PGPEP1L: variants seen among roughly 807,000 people sequenced by gnomAD.
PGPEP1L encodes the protein pyroglutamyl-peptidase 1-like protein.
Under a neutral mutation model 6.0 loss-of-function variants are expected in PGPEP1L, and 7 were observed. The observed-to-expected ratio is 1.17, with a 90% CI of 0.66 to 2.19. PGPEP1L has a LOEUF of 2.19. Ranked by LOEUF, PGPEP1L falls within the 30% of genes most tolerant of loss-of-function variation. The pLI, the probability that PGPEP1L is intolerant of heterozygous loss-of-function variation, is 0.00. For missense variants in PGPEP1L, 209 were observed against 192.5 expected (o/e 1.09, Z -0.51); for synonymous variants, 103 against 83.9 (o/e 1.23, Z -1.24).
chr15:98,999,129 G>T (rs568380002), intron 2 of PGPEP1L, among the ~76,000 whole-genome samples: 89 of 152,314 alleles, frequency 5.8e-4, no homozygotes, highest in African/African-American at 2.1e-3. Flanking sequence ...CTCTTGCTCT[G>T]TGAAAGTCCC....
chr15:98,981,218 C>G (rs1490965067), intron 2 of PGPEP1L, among the ~76,000 whole-genome samples: 2 of 151,888 alleles, frequency 1.3e-5, no homozygotes, highest in African/African-American at 2.4e-5. Flanking sequence ...TCTGGCCGGG[C>G]GCGGTGGCTC....
chr15:99,005,801 T>C (rs1555473551), intron 1 of PGPEP1L, 145 bp from the exon 2 acceptor site: 1 of 152,348 alleles, frequency 6.6e-6, no homozygotes, highest in Non-Finnish European at 1.5e-5. Flanking sequence ...AGCTAAGGGT[T>C]TGGCTACCAG....
chr15:99,006,560 G>A (rs562077696), intron 1 of PGPEP1L, among the ~76,000 whole-genome samples: 14 of 152,248 alleles, frequency 9.2e-5, no homozygotes, highest in African/African-American at 2.7e-4. Context: ...CAGGTGCACT[G>A]GCTCACGCCT....
chr15:99,006,229 TC>T (rs1488359667), intron 1 of PGPEP1L, among the ~76,000 whole-genome samples: 1 of 152,186 alleles, frequency 6.6e-6, no homozygotes, highest in Non-Finnish European at 1.5e-5. Context: ...CCAGGCACTG[TC>T]CCCAGCTTCA....
rs552194961 is a variant in PGPEP1L at position 98,978,825 on chromosome 15, G to C, written c.-141-7667C>G. Among the ~76,000 whole-genome samples, 4 of 149,562 alleles carry C rather than the reference G, an allele frequency of 2.7e-5. No individual in the cohort carries two copies. The East Asian group carries it at 7.9e-4, about 29-fold the overall frequency. On this transcript the variant is annotated intron_variant, in intron 2 of 4. Transcript: ENST00000535714. ...GCTCACCGCAACCTCCGCCTCCCGG[G>C]TTCAAGCAATTCTCCTGCCTCAGCC...
At chr15:98,984,048 A>G (rs575651071) in intron 2 of PGPEP1L, among the ~76,000 whole-genome samples, 2 of 119,782 alleles carry the variant, frequency 1.7e-5, no homozygotes, top group East Asian at 2.4e-4. Context: ...TTTGAGTCTC[A>G]CTCTGTCGCC....
intron 4 of PGPEP1L, 105 bp from the exon 5 acceptor site, chr15:98,968,802 C>A: frequency 1.0e-6 from 1 of 995,050 alleles, no homozygotes; most frequent in Non-Finnish European, 1.5e-6. Context: ...GAGGAGGGAG[C>A]ACTGCCACCC....
chr15:99,001,711 T>TTTAC (rs1555473071), intron 2 of PGPEP1L, among the ~76,000 whole-genome samples: 106 of 151,264 alleles, frequency 7.0e-4, no homozygotes, highest in Non-Finnish European at 1.4e-3. Context: ...TATTTGTGTT[T>TTTAC]TTTATTTTTG....
chr15:98,977,250 A>C (rs2017583750), intron 2 of PGPEP1L, among the ~76,000 whole-genome samples: 1 of 151,896 alleles, frequency 6.6e-6, no homozygotes, highest in African/African-American at 2.4e-5. Flanking sequence ...TTCTGCTTTC[A>C]TCTTTACTAT....
chr15:99,004,262 T>G (rs1228177847), intron 2 of PGPEP1L, among the ~76,000 whole-genome samples: 1 of 151,648 alleles, frequency 6.6e-6, no homozygotes. Flanking sequence ...TAAAATAAAT[T>G]GGGGGGTGTG....
intron 2 of PGPEP1L, among the ~76,000 whole-genome samples, chr15:98,992,726 A>T (rs1315135190): frequency 6.6e-6 from 1 of 152,368 alleles, no homozygotes. Flanking sequence ...CAAAAACAGC[A>T]TGGTACTAGT....
chr15:98,980,857 G>C (rs1323411987), intron 2 of PGPEP1L, among the ~76,000 whole-genome samples: 2 of 151,992 alleles, frequency 1.3e-5, no homozygotes, highest in East Asian at 3.9e-4. Flanking sequence ...GCTCGAACCT[G>C]GGGGGCAGAG....
At chr15:99,001,693 C>T (rs1371554090) in intron 2 of PGPEP1L, among the ~76,000 whole-genome samples, 2 of 20,138 alleles carry the variant, frequency 9.9e-5, no homozygotes, top group Admixed American at 3.8e-4. Context: ...TGTATGATTT[C>T]ATTTATATAT....
chr15:98,990,613 C>T (rs1449012982), intron 2 of PGPEP1L, among the ~76,000 whole-genome samples: 8 of 152,120 alleles, frequency 5.3e-5, no homozygotes, highest in African/African-American at 1.9e-4. Context: ...CCAAGCAGAC[C>T]TAAGAGACAT....
chr15:98,968,472 C>T lies in PGPEP1L; in HGVS notation c.*6G>A. On this transcript the variant is annotated 3_prime_UTR_variant, in exon 5 of 5. Transcript: ENST00000535714. ...TTCAATTTTCTCTAGAGGAGCAATC[C>T]CCCGGTCAGTTCCCTTTGGCTGGAA... 5.0e-6 allele frequency: 8 copies of T among 1,611,306 alleles called. No homozygotes were observed. Among genetic ancestry groups the T allele is most frequent in the Non-Finnish European group, 6.8e-6 (8 of 1,178,652 alleles).
chr15:98,993,579 T>C (rs1334530175), intron 2 of PGPEP1L, among the ~76,000 whole-genome samples: 2 of 132,756 alleles, frequency 1.5e-5, no homozygotes, highest in Non-Finnish European at 3.1e-5. Context: ...ATACAGAAAA[T>C]CAAACACTGC....
chr15:98,996,568 G>A (rs1399153006), intron 2 of PGPEP1L, among the ~76,000 whole-genome samples: 7 of 151,922 alleles, frequency 4.6e-5, no homozygotes, highest in South Asian at 4.2e-4. Context: ...GTATGGGTGT[G>A]CATGCATGTA....
At position 98,987,165 on chromosome 15, in the gene PGPEP1L, CAAAAAAAAAAAAA is replaced by C. The variant is rs57923635; in HGVS notation, c.-141-16020_-141-16008del. ...TGGGTGACAGAGTGAGACTCCATCTCAAAAAAAAAAAAAAAAAAAAAAAAAAAAAAGAGAGCCA... is the reference window on the plus strand; with the variant it reads ...TGGGTGACAGAGTGAGACTCCATCTCAAAAAAAAAAAAAAAAAGAGAGCCA... On this transcript the variant is annotated intron_variant, in intron 2 of 4. Coordinates refer to ENST00000535714, the MANE Select transcript of PGPEP1L (RefSeq NM_001167902.2). 2.4e-3 allele frequency among the ~76,000 whole-genome samples: 79 copies of C among 33,402 alleles called. 2 individuals are homozygous for C. The East Asian group carries it at 0.067, about 28-fold the overall frequency. 21.9% of individuals were successfully genotyped at this position (33,402 alleles called of 152,430 possible).
chr15:99,002,425 A>T (rs2017986028), intron 2 of PGPEP1L, among the ~76,000 whole-genome samples: 1 of 152,172 alleles, frequency 6.6e-6, no homozygotes, highest in Non-Finnish European at 1.5e-5. Flanking sequence ...CTTTGTGGTG[A>T]TGGTACTGCT....
Sources: gnomAD v4.1 joint callset for allele counts (sites outside exome capture counted in the v4.1 genomes callset) on GRCh38, gnomAD v4.1.1 for gene constraint, MANE v1.5 for transcripts, NCBI Gene and HGNC (gene_info 2026-07-23, HGNC 2026-07-21) for gene names.